The following SEC61A2 variants were observed in gnomAD, a reference collection of about 807,000 sequenced individuals.
SEC61A2 encodes protein transport protein Sec61 subunit alpha isoform 2.
In SEC61A2, 28 loss-of-function variants were observed where a neutral mutation model predicts 59.9. The observed-to-expected ratio is 0.47, with a 90% CI of 0.35 to 0.64. The LOEUF is 0.64. Ranked by LOEUF, SEC61A2 falls within the 30% of genes least tolerant of loss-of-function variation. The pLI is 0.01. For synonymous variants in SEC61A2, 202 were observed against 214.4 expected (o/e 0.94, Z 0.50); for missense variants, 340 against 585.9 (o/e 0.58, Z 4.33).
At chr10:12,166,468 T>C (rs1834697734), downstream of SEC61A2, 2 of 241,044 alleles carry the variant, frequency 8.3e-6, no homozygotes, top group Non-Finnish European at 1.7e-5. Context: ...ATAATTGTTT[T>C]ATCTTTAGGA....
At chr10:12,137,837 C>T (rs1218676279) in intron 3 of SEC61A2, among the ~76,000 whole-genome samples, 2 of 152,000 alleles carry the variant, frequency 1.3e-5, no homozygotes, top group African/African-American at 2.4e-5. Context: ...GAAACTCCGT[C>T]TCTACTAAAA....
intron 6 of SEC61A2, among the ~76,000 whole-genome samples, chr10:12,151,544 T>G (rs1027635952): frequency 3.3e-5 from 5 of 152,040 alleles, no homozygotes; most frequent in African/African-American, 1.2e-4. Flanking sequence ...TCTCTTGACC[T>G]CGTGATCCGC....
rs1213255514 is a variant in SEC61A2 at position 12,133,318 on chromosome 10, A to G, written c.75+10A>G. ...GAAACCGGAAAGGAAAGTAAGTATA[A>G]TATTTTAGTAATATAGAGGGTAGCT... On this transcript the variant is annotated intron_variant, in intron 2 of 11. Transcript: ENST00000298428. The G allele has an allele frequency of 4.9e-6, 7 of 1,438,840 alleles. No individual in the cohort carries two copies. The highest frequency in any genetic ancestry group is 1.7e-5 in the Admixed American group (1 of 58,214). The allele number at this position is 1,438,840 out of a possible 1,614,324, so 89.1% of individuals were successfully genotyped here.
rs1421100912 is a variant in SEC61A2, at chr10:12,160,454, T to C, written c.976-476T>C. ...TCCAATTATTATATTTATTAAAAGA[T>C]TGCTCCTTATAACATAGAAACCACA... is the stretch of plus-strand genomic sequence containing the variant. On this transcript the variant is annotated intron_variant, in intron 9 of 11. Transcript: ENST00000298428. This position sits in a 1 kb window ranked among gnomAD's most constrained non-coding sequence, Gnocchi z 4.1. 6.6e-6 allele frequency among the ~76,000 whole-genome samples: 1 copy of C among 152,220 alleles called. No homozygotes were observed. Among genetic ancestry groups the C allele is most frequent in the African/African-American group, 2.4e-5 (1 of 41,470 alleles).
rs532338210 is a variant in SEC61A2, at chr10:12,143,460, C to T, written c.220+265C>T. Among the ~76,000 whole-genome samples, 19 of 152,136 alleles carry T rather than the reference C, an allele frequency of 1.2e-4. No individual in the cohort carries two copies. Among genetic ancestry groups the T allele is most frequent in the Middle Eastern group, 3.4e-3 (1 of 294 alleles). On this transcript the variant is annotated intron_variant, in intron 4 of 11. Coordinates refer to ENST00000298428, the MANE Select transcript of SEC61A2 (RefSeq NM_018144.4). The surrounding 1 kb of genome is among the most constrained non-coding windows in gnomAD (Gnocchi z 4.8). Reference sequence around the variant, plus strand: ...CATTGGAATTGGAGTCCAGGTGGGGCGCCGTGGCTCACCCCTGTAATCCCA... The same window carrying T: ...CATTGGAATTGGAGTCCAGGTGGGGTGCCGTGGCTCACCCCTGTAATCCCA...
chr10:12,134,302 C>T (rs1281140705), intron 2 of SEC61A2, among the ~76,000 whole-genome samples: 6 of 152,202 alleles, frequency 3.9e-5, no homozygotes, highest in African/African-American at 9.6e-5. Context: ...CCACCGCGCC[C>T]GGCTAGAAGT....
At chr10:12,137,831 C>T (rs1833922781) in intron 3 of SEC61A2, among the ~76,000 whole-genome samples, 1 of 152,000 alleles carries the variant, frequency 6.6e-6, no homozygotes, top group Non-Finnish European at 1.5e-5. Context: ...CATGGTGAAA[C>T]TCCGTCTCTA....
At chr10:12,166,459 T>G (rs946154913), downstream of SEC61A2, 1 of 237,476 alleles carries the variant, frequency 4.2e-6, no homozygotes, top group Non-Finnish European at 8.6e-6. Context: ...TGTATTTCCA[T>G]AATTGTTTTA....
rs770941217 is a variant in SEC61A2, at chr10:12,129,817, G to T, written c.7+23G>T. 6 of 1,404,626 alleles carry T rather than the reference G, an allele frequency of 4.3e-6. No homozygotes were observed. In the South Asian group the frequency reaches 8.9e-5, roughly 21 times the overall value. The allele number at this position is 1,404,626 out of a possible 1,614,324, so 87.0% of individuals were successfully genotyped here. A position where few individuals can be genotyped will look rare whatever the true frequency, so the allele number is the denominator to read the frequency against. ...GCAGTGAGTAGCGGCGGCTGGAGCG[G>T]GGACTCTGGCTGGGAACGCAGGCCC... On this transcript the variant is annotated intron_variant, in intron 1 of 11. Transcript: ENST00000298428. This position sits in a 1 kb window ranked among gnomAD's most constrained non-coding sequence, Gnocchi z 5.6.
chr10:12,158,236 G>A lies in SEC61A2; in HGVS notation c.975+131G>A. On this transcript the variant is annotated intron_variant, in intron 9 of 11. Transcript: ENST00000298428. The surrounding 1 kb of genome is among the most constrained non-coding windows in gnomAD (Gnocchi z 5.7). ...CAGATTCACTTACCTATATAGCAGAGTTTAGTACTTATCTGGAAGAACTGG... is the reference window on the plus strand; with the variant it reads ...CAGATTCACTTACCTATATAGCAGAATTTAGTACTTATCTGGAAGAACTGG... The A allele has an allele frequency of 1.4e-6, 1 of 711,850 alleles. No individual in the cohort carries two copies. Among genetic ancestry groups the A allele is most frequent in the Non-Finnish European group, 2.3e-6 (1 of 437,556 alleles). 44.1% of individuals were successfully genotyped at this position (711,850 alleles called of 1,614,324 possible).
At position 12,152,754 on chromosome 10, in the gene SEC61A2, G is replaced by A. The variant is rs1834306503; in HGVS notation, c.462+2793G>A. 1.3e-5 allele frequency among the ~76,000 whole-genome samples: 2 copies of A among 152,074 alleles called. No homozygotes were observed. The highest frequency in any genetic ancestry group is 2.1e-4 in the South Asian group (1 of 4,830). On this transcript the variant is annotated intron_variant, in intron 6 of 11. Coordinates refer to ENST00000298428, the MANE Select transcript of SEC61A2 (RefSeq NM_018144.4). The surrounding 1 kb of genome is among the most constrained non-coding windows in gnomAD (Gnocchi z 5.5). ...CCAAAAATACAAAAATTAGCAGGGC[G>A]TGGTGGCAGGAGCCTGTAGTCCCAG...
chr10:12,150,210 G>T (rs1588639243), intron 6 of SEC61A2, among the ~76,000 whole-genome samples: 1 of 152,174 alleles, frequency 6.6e-6, no homozygotes, highest in East Asian at 1.9e-4. Context: ...ACAATACAAA[G>T]AATTATGGAT....
intron 1 of SEC61A2, among the ~76,000 whole-genome samples, chr10:12,130,488 G>A (rs916222273): frequency 1.3e-5 from 2 of 152,126 alleles, no homozygotes; most frequent in African/African-American, 4.8e-5. Context: ...ACATTTGGGG[G>A]AAATTAGAAA....
In SEC61A2 at chr10:12,161,005, A is replaced by C; in HGVS notation, c.1051A>C (p.Met351Leu). The change falls in exon 10 of 12, where the codon ATG becomes CTG. Residue 351 changes from methionine to leucine, a missense_variant. By Grantham distance (15) the Met-to-Leu change is conservative (BLOSUM62 2). Around this residue, in one of 3 missense-constraint regions of SEC61A2, gnomAD observed 283 missense variants for 483.2 expected, o/e 0.59. Coordinates refer to ENST00000298428, the MANE Select transcript of SEC61A2 (RefSeq NM_018144.4). This position sits in a 1 kb window ranked among gnomAD's most constrained non-coding sequence, Gnocchi z 5.4. ...TTACTATCTTTCTCCTCCTGAGTCC[A>C]TGGGCGCCATCTTTGAGGATCCTGT... The part of the protein sequence containing the change: ...LCYYLSPPES[M>L]GAIFEDPVHV... 6.2e-7 allele frequency: 1 copy of C among 1,614,160 alleles called. No individual in the cohort carries two copies. The highest frequency in any genetic ancestry group is 1.7e-5 in the Admixed American group (1 of 60,026).
At chr10:12,148,665 G>C (rs367740866) in intron 4 of SEC61A2, among the ~76,000 whole-genome samples, 1 of 151,160 alleles carries the variant, frequency 6.6e-6, no homozygotes, top group Non-Finnish European at 1.5e-5. Flanking sequence ...TCAGCCTCCC[G>C]AGTAGCTGGG....
At chr10:12,167,476 C>T (rs1449324430), downstream of SEC61A2, 2 of 464,246 alleles carry the variant, frequency 4.3e-6, no homozygotes, top group Non-Finnish European at 7.7e-6. Flanking sequence ...AGTAAACATA[C>T]TTGCATTTAT....
chr10:12,129,747 C>T lies in SEC61A2; in HGVS notation c.-41C>T, dbSNP rs373014169. 3.1e-4 allele frequency: 457 copies of T among 1,486,270 alleles called. 2 individuals carry two copies. In the African/African-American group the frequency reaches 5.7e-3, roughly 19 times the overall value. The allele number at this position is 1,486,270 out of a possible 1,614,324, so 92.1% of individuals were successfully genotyped here. A position where few individuals can be genotyped will look rare whatever the true frequency, so the allele number is the denominator to read the frequency against. On this transcript the variant is annotated 5_prime_UTR_variant, in exon 1 of 12. Coordinates refer to ENST00000298428, the MANE Select transcript of SEC61A2 (RefSeq NM_018144.4). This position sits in a 1 kb window ranked among gnomAD's most constrained non-coding sequence, Gnocchi z 5.6. ...CCGCGGGAGTCGAGCGAAGGCAGCG[C>T]CGAGGCCGCGGTTTCCCCCTGGGCC...
rs1359688616 is a variant in SEC61A2 at position 12,153,791 on chromosome 10, G to A, written c.463-1987G>A. The A allele has an allele frequency of 6.2e-7, 1 of 1,607,850 alleles. No homozygotes were observed. Among genetic ancestry groups the A allele is most frequent in the African/African-American group, 1.3e-5 (1 of 74,866 alleles). The stretch of plus-strand genomic sequence containing the variant: ...ACACTGAAGAGCTATGATTGGATCA[G>A]TGTGTTTCACCCAGAAACATAGGTT... On this transcript the variant is annotated intron_variant, in intron 6 of 11. Coordinates refer to ENST00000298428, the MANE Select transcript of SEC61A2 (RefSeq NM_018144.4). This position sits in a 1 kb window ranked among gnomAD's most constrained non-coding sequence, Gnocchi z 5.2.
chr10:12,142,578 A>G lies in SEC61A2; in HGVS notation c.142-539A>G, dbSNP rs1834045024. 6.7e-6 allele frequency: 6 copies of G among 890,286 alleles called. No individual in the cohort carries two copies. Among genetic ancestry groups the G allele is most frequent in the Middle Eastern group, 5.7e-4 (1 of 1,748 alleles). 55.1% of individuals were successfully genotyped at this position (890,286 alleles called of 1,614,324 possible). ...TACGACCAGGCAGGTATAATATTCC[A>G]TAATCTACTGGTGGGAGTGTTTTTT... On this transcript the variant is annotated intron_variant, in intron 3 of 11. Coordinates refer to ENST00000298428, the MANE Select transcript of SEC61A2 (RefSeq NM_018144.4). The surrounding 1 kb of genome is among the most constrained non-coding windows in gnomAD (Gnocchi z 5.4).
Sources: allele counts gnomAD v4.1 joint callset (sites outside exome capture counted in the v4.1 genomes callset), GRCh38; gene constraint gnomAD v4.1.1; regional missense constraint gnomAD v4.1.1; non-coding constraint Gnocchi (gnomAD v3.1); transcripts MANE v1.5; gene names NCBI Gene and HGNC (gene_info 2026-07-23, HGNC 2026-07-21).